Variants in RASGRP3 observed in about 807,000 individuals in gnomAD.
The protein encoded by RASGRP3 is RAS guanyl releasing protein 3.
RASGRP3 carries 54 observed loss-of-function variants against 82.7 expected under a neutral mutation model. The ratio of observed to expected loss-of-function variants is 0.65; its 90% confidence interval spans 0.52 to 0.82. RASGRP3 has a LOEUF of 0.82. Among genes scored for constraint, RASGRP3 ranks in the 40% least tolerant of loss-of-function variants. RASGRP3 has a pLI of 0.00. For synonymous variants in RASGRP3, 309 were observed against 300.5 expected (o/e 1.03, Z -0.29); for missense variants, 861 against 828.9 (o/e 1.04, Z -0.48).
At chr2:33,453,736 C>A (rs997974274) in intron 2 of RASGRP3, among the ~76,000 whole-genome samples, 2 of 152,046 alleles carry the variant, frequency 1.3e-5, no homozygotes, top group African/African-American at 4.8e-5. Flanking sequence ...TCTTGGGAGG[C>A]CATCTGCAGA....
upstream of RASGRP3, among the ~76,000 whole-genome samples, chr2:33,475,360 G>A (rs1667295815): frequency 6.6e-6 from 1 of 152,138 alleles, no homozygotes; most frequent in Non-Finnish European, 1.5e-5. Flanking sequence ...TCTATATGGA[G>A]GGAAATTTCT....
At chr2:33,525,924 C>T (rs1021257412) in intron 9 of RASGRP3, among the ~76,000 whole-genome samples, 37 of 152,076 alleles carry the variant, frequency 2.4e-4, no homozygotes, top group African/African-American at 8.0e-4. Flanking sequence ...GTGCTCCGCC[C>T]GCCTCTGAAT....
At chr2:33,477,409 A>C (rs1433299144) in intron 1 of RASGRP3, among the ~76,000 whole-genome samples, 1 of 152,104 alleles carries the variant, frequency 6.6e-6, no homozygotes, top group Non-Finnish European at 1.5e-5. Context: ...GTCTTCCTTC[A>C]CCTTCATTAC....
At chr2:33,485,314 A>G (rs1400046766) in intron 1 of RASGRP3, among the ~76,000 whole-genome samples, 1 of 152,240 alleles carries the variant, frequency 6.6e-6, no homozygotes, top group Non-Finnish European at 1.5e-5. Flanking sequence ...ACCCATTTCT[A>G]TTAGAAGGAT....
chr2:33,550,536 C>G (rs937948937), intron 14 of RASGRP3, among the ~76,000 whole-genome samples: 1 of 152,166 alleles, frequency 6.6e-6, no homozygotes, highest in African/African-American at 2.4e-5. Flanking sequence ...CTGGCCTTAA[C>G]AGAAACTCCT....
At chr2:33,551,853 T>C (rs1675393915) in intron 14 of RASGRP3, among the ~76,000 whole-genome samples, 2 of 151,234 alleles carry the variant, frequency 1.3e-5, no homozygotes, top group African/African-American at 2.4e-5. Context: ...ATTAGCAGGG[T>C]GTGGTGGTGG....
upstream of RASGRP3, among the ~76,000 whole-genome samples, chr2:33,474,193 A>C (rs764054272): frequency 6.6e-6 from 1 of 152,034 alleles, no homozygotes; most frequent in Non-Finnish European, 1.5e-5. Flanking sequence ...TGTTGTGCCC[A>C]CCCAAATCTC....
intron 1 of RASGRP3, among the ~76,000 whole-genome samples, chr2:33,509,207 C>A (rs1474097668): frequency 6.6e-6 from 1 of 152,002 alleles, no homozygotes; most frequent in Non-Finnish European, 1.5e-5. Flanking sequence ...TCGAGACCAG[C>A]CTGGCCGACA....
Position 33,490,326 on chromosome 2 carries a change from G to A in RASGRP3, c.-261+13619G>A, listed in dbSNP as rs1356512014. On this transcript the variant is annotated intron_variant, in intron 1 of 17. Transcript: ENST00000403687. ...CTTGTTGAGCTCATATTCTACACAC[G>A]TTTTCTTTGTTTCTTTACCTCTCAT... Among the ~76,000 whole-genome samples the A allele has an allele frequency of 5.3e-5, 8 of 152,088 alleles. No homozygotes were observed. The East Asian group carries it at 9.6e-4, about 18-fold the overall frequency.
intron 2 of RASGRP3, among the ~76,000 whole-genome samples, chr2:33,450,764 G>A (rs938014458): frequency 7.4e-6 from 1 of 135,306 alleles, no homozygotes; most frequent in South Asian, 2.5e-4. Flanking sequence ...GTATATGATA[G>A]TTCTATTTTA....
At chr2:33,551,908 G>A (rs1675403065) in intron 14 of RASGRP3, among the ~76,000 whole-genome samples, 1 of 152,132 alleles carries the variant, frequency 6.6e-6, no homozygotes, top group African/African-American at 2.4e-5. Flanking sequence ...CAGGAGAATG[G>A]CGTGAACCCG....
At chr2:33,463,179 A>G (rs1198339300) in intron 2 of RASGRP3, among the ~76,000 whole-genome samples, 1 of 152,204 alleles carries the variant, frequency 6.6e-6, no homozygotes, top group Non-Finnish European at 1.5e-5. Context: ...ATTATGCTAA[A>G]CAAGGTGTTT....
At chr2:33,466,923 T>G (rs1666729504) in intron 2 of RASGRP3, among the ~76,000 whole-genome samples, 1 of 152,154 alleles carries the variant, frequency 6.6e-6, no homozygotes, top group South Asian at 2.1e-4. Context: ...CATCCCTCTT[T>G]GCTGCTCACT....
intron 14 of RASGRP3, among the ~76,000 whole-genome samples, chr2:33,552,413 A>T (rs1489434658): frequency 6.6e-6 from 1 of 152,236 alleles, no homozygotes; most frequent in African/African-American, 2.4e-5. Context: ...TTTTTTATGT[A>T]TTCCTTGATA....
intron 15 of RASGRP3, among the ~76,000 whole-genome samples, chr2:33,557,667 G>T (rs556747397): frequency 5.6e-4 from 84 of 150,166 alleles, no homozygotes; most frequent in Middle Eastern, 6.9e-3. Flanking sequence ...CCGAGATCCC[G>T]CCACTGCACT....
intron 14 of RASGRP3, among the ~76,000 whole-genome samples, chr2:33,553,930 G>T (rs1011940856): frequency 1.3e-5 from 2 of 152,058 alleles, no homozygotes; most frequent in African/African-American, 2.4e-5. Flanking sequence ...GTAGTGACGG[G>T]GTTTCACCAT....
intron 1 of RASGRP3, among the ~76,000 whole-genome samples, chr2:33,487,751 C>T (rs1668519079): frequency 6.6e-6 from 1 of 152,062 alleles, no homozygotes; most frequent in Admixed American, 6.6e-5. Flanking sequence ...CTCCAGAAAA[C>T]AACAAAACTT....
intron 11 of RASGRP3, among the ~76,000 whole-genome samples, chr2:33,537,346 G>GTA (rs1673756094): frequency 1.1e-5 from 1 of 90,554 alleles, no homozygotes; most frequent in African/African-American, 5.3e-5. Flanking sequence ...ACACACACAA[G>GTA]TATATATATC....
intron 2 of RASGRP3, among the ~76,000 whole-genome samples, chr2:33,469,031 T>G (rs1666889913): frequency 9.5e-6 from 1 of 105,358 alleles, no homozygotes; most frequent in Admixed American, 9.6e-5. Flanking sequence ...GAATTTTCGT[T>G]TTTTCATCTT....
Sources: allele counts gnomAD v4.1 joint callset (sites outside exome capture counted in the v4.1 genomes callset), GRCh38; gene constraint gnomAD v4.1.1; transcripts MANE v1.5; gene names NCBI Gene and HGNC (gene_info 2026-07-23, HGNC 2026-07-21).